STXBP5: variants seen among roughly 807,000 people sequenced by gnomAD.
The protein encoded by STXBP5 is syntaxin-binding protein 5.
Under a neutral mutation model 152.4 loss-of-function variants are expected in STXBP5, and 50 were observed. The ratio of observed to expected loss-of-function variants is 0.33; its 90% CI spans 0.26 to 0.42. The LOEUF is 0.42. Among genes scored for constraint, STXBP5 ranks in the 10% least tolerant of loss-of-function variants. The pLI is 1.00. For missense variants in STXBP5, 1,167 were observed against 1,388.6 expected, an observed-to-expected ratio of 0.84 and a Z score of 2.54; for synonymous variants, 492 against 494.7, an observed-to-expected ratio of 0.99 and a Z score of 0.07.
At chr6:147,256,913 A>T (rs1025023248) in intron 4 of STXBP5, among the ~76,000 whole-genome samples, 1 of 152,136 alleles carries the variant, frequency 6.6e-6, no homozygotes, top group African/African-American at 2.4e-5. Context: ...TTACTTAGGA[A>T]GCTGTACATA....
At position 147,232,874 on chromosome 6, in the gene STXBP5, C is replaced by T. The variant is rs116437590; in HGVS notation, c.249-2376C>T. On this transcript the variant is annotated intron_variant, in intron 2 of 27. Coordinates refer to ENST00000321680, the MANE Select transcript of STXBP5 (RefSeq NM_001127715.4). ...TACATAGCCCAAGAGTAAAACGTCT[C>T]TTGACCTCTGTGTAACTGACTCCCT... Among the ~76,000 whole-genome samples the T allele has an allele frequency of 2.5e-3, 377 of 151,854 alleles. 1 individual carries two copies. The highest frequency in any genetic ancestry group is 8.2e-3 in the African/African-American group (341 of 41,504).
At chr6:147,248,563 C>T (rs565904379) in intron 4 of STXBP5, among the ~76,000 whole-genome samples, 10 of 152,200 alleles carry the variant, frequency 6.6e-5, no homozygotes, top group Admixed American at 2.6e-4. Context: ...TGGAGCTTCT[C>T]ATAACTTACT....
intron 16 of STXBP5, among the ~76,000 whole-genome samples, chr6:147,316,766 C>CGTT (rs1386516760): frequency 2.5e-5 from 2 of 81,312 alleles, no homozygotes; most frequent in East Asian, 6.3e-4. Context: ...TCTGAAAATT[C>CGTT]TGTTTAAGTC....
At chr6:147,327,850 TA>T (rs1305918302) in intron 18 of STXBP5, among the ~76,000 whole-genome samples, 1 of 152,204 alleles carries the variant, frequency 6.6e-6, no homozygotes, top group African/African-American at 2.4e-5. Flanking sequence ...AATTATTATA[TA>T]AAAAAAGTTA....
At chr6:147,296,140 C>T (rs1781512394) in intron 9 of STXBP5, among the ~76,000 whole-genome samples, 1 of 152,100 alleles carries the variant, frequency 6.6e-6, no homozygotes, top group South Asian at 2.1e-4. Flanking sequence ...TTGCTCCTGA[C>T]TGGAAAAACA....
chr6:147,272,156 A>C (rs1582873297), intron 7 of STXBP5, among the ~76,000 whole-genome samples: 3 of 152,336 alleles, frequency 2.0e-5, no homozygotes, highest in African/African-American at 7.2e-5. Flanking sequence ...CACCAGGCTC[A>C]GAAAGCTTGC....
chr6:147,214,657 A>G (rs952123033), intron 2 of STXBP5, among the ~76,000 whole-genome samples: 4 of 152,174 alleles, frequency 2.6e-5, no homozygotes, highest in African/African-American at 9.7e-5. Flanking sequence ...TGATTTCCGC[A>G]TTGCCATTTC....
chr6:147,321,962 T>C (rs1172597388), intron 16 of STXBP5, among the ~76,000 whole-genome samples: 1 of 152,238 alleles, frequency 6.6e-6, no homozygotes, highest in Admixed American at 6.5e-5. Flanking sequence ...TTTTTATTTT[T>C]ACTTAAGAAC....
intron 18 of STXBP5, chr6:147,328,873 A>G (rs924196206): frequency 1.2e-5 from 5 of 434,232 alleles, no homozygotes; most frequent in East Asian, 7.0e-5. Flanking sequence ...AAAACGTTCT[A>G]TGTCTAAAAC....
Position 147,355,124 on chromosome 6 carries a change from AC to A in STXBP5, c.2305+1754del, listed in dbSNP as rs1331620265. Among the ~76,000 whole-genome samples, 2 of 152,162 alleles carry A rather than the reference AC, an allele frequency of 1.3e-5. 1 individual carries two copies. Among genetic ancestry groups the A allele is most frequent in the Non-Finnish European group, 2.9e-5 (2 of 68,018 alleles). ...TAGCTTCACCATCCTGGATTCTGTA[AC>A]CCAGAAGTCAGAATCCATGGGTGAT... On this transcript the variant is annotated intron_variant, in intron 22 of 27. Transcript: ENST00000321680.
intron 18 of STXBP5, among the ~76,000 whole-genome samples, chr6:147,328,015 A>T (rs901811854): frequency 2.0e-5 from 3 of 152,230 alleles, no homozygotes; most frequent in African/African-American, 7.2e-5. Context: ...CCATTCTTAG[A>T]TAGCTTTGAT....
intron 25 of STXBP5, among the ~76,000 whole-genome samples, chr6:147,367,495 G>A (rs781340785): frequency 6.6e-5 from 10 of 151,984 alleles, no homozygotes; most frequent in African/African-American, 1.7e-4. Context: ...AAATTTAGCC[G>A]GGCGTGGTGG....
chr6:147,343,291 T>G (rs1023912494), intron 21 of STXBP5, among the ~76,000 whole-genome samples: 3 of 152,164 alleles, frequency 2.0e-5, no homozygotes, highest in Non-Finnish European at 4.4e-5. Context: ...TGGAATAATT[T>G]TTGAATTCAG....
intron 4 of STXBP5, among the ~76,000 whole-genome samples, chr6:147,249,118 T>C (rs80096466): frequency 0.035 from 5,392 of 152,322 alleles, 146 homozygotes; most frequent in Admixed American, 0.054. Flanking sequence ...GAATGCAGCA[T>C]GGCTGAAATG....
At chr6:147,223,345 T>A (rs1248858507) in intron 2 of STXBP5, among the ~76,000 whole-genome samples, 1 of 152,202 alleles carries the variant, frequency 6.6e-6, no homozygotes, top group Non-Finnish European at 1.5e-5. Flanking sequence ...ATTATGTTCA[T>A]CTTTGGTAAA....
In STXBP5 at chr6:147,385,999, A is replaced by C. The variant is rs1238096154; in HGVS notation, c.*1244A>C. On this transcript the variant is annotated 3_prime_UTR_variant, in exon 28 of 28. Transcript: ENST00000321680. ...ACCAAAAAGAAAGGAAAATATGTAC[A>C]CTGTGATAACTAAATTATTTCTGTA... The C allele has an allele frequency of 1.3e-5, 2 of 152,128 alleles. No individual in the cohort carries two copies. Among genetic ancestry groups the C allele is most frequent in the East Asian group, 3.9e-4 (2 of 5,184 alleles). 9.4% of individuals were successfully genotyped at this position (152,128 alleles called of 1,614,324 possible).
intron 16 of STXBP5, among the ~76,000 whole-genome samples, chr6:147,319,870 C>T (rs1211062736): frequency 7.9e-6 from 1 of 127,026 alleles, no homozygotes; most frequent in Non-Finnish European, 1.6e-5. Flanking sequence ...GAGACAGGGT[C>T]TCGCTCTGTT....
intron 16 of STXBP5, among the ~76,000 whole-genome samples, chr6:147,318,702 A>T (rs891382599): frequency 6.6e-6 from 1 of 152,172 alleles, no homozygotes; most frequent in East Asian, 1.9e-4. Context: ...TTAATGATAC[A>T]TGTGAGGAGA....
rs371287538 is a variant in STXBP5, at chr6:147,288,896, C to G, written c.839-2198C>G. ...GCTTGCCCCTTTCCCATGATTCTTC[C>G]CTTAGGGTGTGCTGCCCCTATGTGT... On this transcript the variant is annotated intron_variant, in intron 8 of 27. Transcript: ENST00000321680. Among the ~76,000 whole-genome samples, 28 of 152,304 alleles carry G rather than the reference C, an allele frequency of 1.8e-4. No individual in the cohort carries two copies. The East Asian group carries it at 4.4e-3, about 24-fold the overall frequency.
Sources: allele counts gnomAD v4.1 joint callset (sites outside exome capture counted in the v4.1 genomes callset), GRCh38; gene constraint gnomAD v4.1.1; transcripts MANE v1.5; gene names NCBI Gene and HGNC (gene_info 2026-07-23, HGNC 2026-07-21).